The following GLOD4 variants were observed in gnomAD, a reference collection of about 807,000 sequenced individuals.
GLOD4 encodes the protein glyoxalase domain containing 4, also known as glyoxalase domain-containing protein 4.
Under a neutral mutation model 39.1 loss-of-function variants are expected in GLOD4, and 44 were observed. The ratio of observed to expected loss-of-function variants is 1.13; its 90% confidence interval spans 0.88 to 1.45. GLOD4 has a LOEUF of 1.45. Among genes scored for constraint, GLOD4 ranks in the 40% most tolerant of loss-of-function variants. GLOD4 has a pLI of 0.00. For synonymous variants in GLOD4, 145 were observed against 135.0 expected (o/e 1.07, Z -0.52); for missense variants, 405 against 366.4 (o/e 1.11, Z -0.86).
At chr17:768,946 A>T (rs925258500) in intron 8 of GLOD4, among the ~76,000 whole-genome samples, 3 of 151,854 alleles carry the variant, frequency 2.0e-5, no homozygotes, top group Admixed American at 1.3e-4. Flanking sequence ...AGAGGATGTG[A>T]GAGAGAGAAA....
In GLOD4 at chr17:770,401, G is replaced by T. The variant is rs774955627; in HGVS notation, c.630+20C>A. The T allele has an allele frequency of 5.5e-6, 7 of 1,275,460 alleles. No homozygotes were observed. The highest frequency in any genetic ancestry group is 8.0e-6 in the Non-Finnish European group (7 of 870,046). 79.0% of individuals were successfully genotyped at this position (1,275,460 alleles called of 1,614,324 possible). ...AACTAGCTAGTCAGAAAGCTCAAAC[G>T]ATCTGGTATCAAGCGTTACCTCTTT... On this transcript the variant is annotated intron_variant, in intron 6 of 8. Coordinates refer to ENST00000301329, the MANE Select transcript of GLOD4 (RefSeq NM_016080.4).
upstream of GLOD4, chr17:783,348 T>TA: frequency 7.0e-7 from 1 of 1,435,844 alleles, no homozygotes; most frequent in Non-Finnish European, 9.1e-7. Flanking sequence ...ACCCAGTGTA[T>TA]CTTTTTTTTT....
At chr17:780,475 T>C (rs1165282130) in intron 1 of GLOD4, 2 of 152,240 alleles carry the variant, frequency 1.3e-5, no homozygotes, top group Non-Finnish European at 2.9e-5. Context: ...GCACTGGCTC[T>C]TCAGTTTTAC....
rs1907849229 is a variant in GLOD4 at position 770,912 on chromosome 17, C to T, written c.544-405G>A. ...CACATTGTGATTACAGACAATGCTG[C>T]AGCAGATAACCTTGCACACACTTCT... On this transcript the variant is annotated intron_variant, in intron 5 of 8. Transcript: ENST00000301329. 1.5e-5 allele frequency: 3 copies of T among 201,214 alleles called. 1 individual carries two copies. Among genetic ancestry groups the T allele is most frequent in the Non-Finnish European group, 3.1e-5 (3 of 98,262 alleles). 12.5% of individuals were successfully genotyped at this position (201,214 alleles called of 1,614,324 possible).
At chr17:773,027 C>G (rs1217788280) in intron 4 of GLOD4, among the ~76,000 whole-genome samples, 1 of 151,992 alleles carries the variant, frequency 6.6e-6, no homozygotes, top group African/African-American at 2.4e-5. Context: ...CCCGACGCCC[C>G]CAAACAACAA....
rs998741333 is a variant in GLOD4, at chr17:770,692, T to C, written c.544-185A>G. 4.8e-5 allele frequency: 21 copies of C among 435,788 alleles called. 3 individuals are homozygous for C. In the Admixed American group the frequency reaches 6.0e-4, roughly 12 times the overall value. The allele number at this position is 435,788 out of a possible 1,614,324, so 27.0% of individuals were successfully genotyped here. On this transcript the variant is annotated intron_variant, in intron 5 of 8. Transcript: ENST00000301329. Reference sequence around the variant, plus strand: ...TCCTTCTAGAAGCACTGCACGCATCTATGTTTTTTTTTTTACACAAATGGT... The same window carrying C: ...TCCTTCTAGAAGCACTGCACGCATCCATGTTTTTTTTTTTACACAAATGGT...
chr17:783,349 CTTTT>C, upstream of GLOD4: 2 of 1,325,192 alleles, frequency 1.5e-6, no homozygotes, highest in Non-Finnish European at 2.0e-6. Context: ...CCCAGTGTAT[CTTTT>C]TTTTTTTTTG....
Position 769,963 on chromosome 17 carries a change from A to G in GLOD4, c.745-8T>C. The G allele has an allele frequency of 4.4e-6, 7 of 1,600,078 alleles. No individual in the cohort carries two copies. The highest frequency in any genetic ancestry group is 2.2e-5 in the East Asian group (1 of 44,800). ...GCAAATTTCATGTCCGTCCTACACC[A>G]ATAAAGAGAAAAGACACCTGCCAAA... On this transcript the variant is annotated splice_polypyrimidine_tract_variant and splice_region_variant and intron_variant, in intron 7 of 8. Transcript: ENST00000301329.
At chr17:773,797 T>C (rs1194261770) in intron 4 of GLOD4, among the ~76,000 whole-genome samples, 1 of 152,162 alleles carries the variant, frequency 6.6e-6, no homozygotes, top group Non-Finnish European at 1.5e-5. Context: ...TTTCTTTCCA[T>C]TTACTTCAAA....
intron 8 of GLOD4, among the ~76,000 whole-genome samples, chr17:767,995 G>A (rs575055964): frequency 2.1e-5 from 3 of 142,500 alleles, no homozygotes; most frequent in Non-Finnish European, 3.0e-5. Flanking sequence ...TGGAGAGGAC[G>A]TGAGAGAGAG....
chr17:773,075 T>C lies in GLOD4; in HGVS notation c.407-1614A>G, dbSNP rs895781820. Among the ~76,000 whole-genome samples, 6 of 152,050 alleles carry C rather than the reference T, an allele frequency of 3.9e-5. No individual in the cohort carries two copies. The East Asian group carries it at 1.2e-3, about 29-fold the overall frequency. On this transcript the variant is annotated intron_variant, in intron 4 of 8. Transcript: ENST00000301329. ...TCACATAAAATCCTTTGTTAACTAATGTGCAAATAATGTTAAAAGTTGGCA... is the reference window on the plus strand; with the variant it reads ...TCACATAAAATCCTTTGTTAACTAACGTGCAAATAATGTTAAAAGTTGGCA...
At chr17:779,319 T>TAAAAAAAAA (rs34487169) in intron 1 of GLOD4, among the ~76,000 whole-genome samples, 12 of 43,358 alleles carry the variant, frequency 2.8e-4, no homozygotes, top group Non-Finnish European at 3.8e-4. Context: ...CATCTCAAAT[T>TAAAAAAAAA]AAAAAAAAAA....
chr17:782,299 T>G, upstream of GLOD4: 2 of 1,611,608 alleles, frequency 1.2e-6, no homozygotes. Context: ...TACAGCCCAG[T>G]CCACGAAGGG....
chr17:761,603 C>G (rs1462948823), intron 8 of GLOD4, among the ~76,000 whole-genome samples: 2 of 152,182 alleles, frequency 1.3e-5, no homozygotes, highest in African/African-American at 2.4e-5. Flanking sequence ...CTTCTGGGTT[C>G]AAGTGATTCT....
chr17:780,881 T>C (rs139456813), intron 1 of GLOD4: 21 of 153,158 alleles, frequency 1.4e-4, no homozygotes, highest in Middle Eastern at 5.9e-4. Flanking sequence ...CTATTACCGA[T>C]ATGTTAAATA....
chr17:770,020 GC>G (rs1203300638), intron 7 of GLOD4, 23 bp downstream of exon 7: 3 of 1,554,670 alleles, frequency 1.9e-6, no homozygotes, highest in Admixed American at 1.7e-5. Context: ...GGTCCAGCCT[GC>G]CCCCTGCCTG....
intron 3 of GLOD4, 131 bp downstream of exon 3, chr17:776,737 C>G (rs539953840): frequency 6.9e-5 from 49 of 713,586 alleles, no homozygotes; most frequent in Admixed American, 4.6e-4. Flanking sequence ...ACGTGGCTAA[C>G]TCCCTGACCT....
At chr17:772,718 G>A (rs1454242170) in intron 4 of GLOD4, among the ~76,000 whole-genome samples, 3 of 152,136 alleles carry the variant, frequency 2.0e-5, no homozygotes, top group Admixed American at 6.6e-5. Flanking sequence ...TATTCAGGCC[G>A]GGCGCGGTGG....
chr17:771,368 T>C lies in GLOD4; in HGVS notation c.500A>G (p.Asp167Gly), dbSNP rs200510924. The C allele has an allele frequency of 7.2e-5, 116 of 1,605,854 alleles. No homozygotes were observed. Among genetic ancestry groups the C allele is most frequent in the Non-Finnish European group, 9.3e-5 (109 of 1,173,856 alleles). The change falls in exon 5 of 9, where the codon GAT (aspartate) becomes GGT (glycine). Residue 167 changes from aspartate (D) to glycine (G), a missense_variant. By Grantham distance (94) the Asp-to-Gly change is moderately conservative. Transcript: ENST00000301329. ...CAGCAAAGCCCTTTGCTTTTCTTCA[T>C]CTTTTTCATAAATTTTCATTCCCAG... ...NLLGMKIYEK[D>G]EEKQRALLGY...
Sources: allele counts gnomAD v4.1 joint callset (sites outside exome capture counted in the v4.1 genomes callset), GRCh38; gene constraint gnomAD v4.1.1; transcripts MANE v1.5; gene names NCBI Gene and HGNC (gene_info 2026-07-23, HGNC 2026-07-21).